MAML2: variants seen among roughly 807,000 people sequenced by gnomAD.
The protein encoded by MAML2 is mastermind-like protein 2.
A neutral mutation model predicts 96.1 loss-of-function variants in MAML2; 22 were observed. The ratio of observed to expected loss-of-function variants is 0.23; its 90% CI spans 0.16 to 0.33. The LOEUF is 0.33. Among genes scored for constraint, MAML2 ranks in the 10% least tolerant of loss-of-function variants. MAML2 has a pLI of 1.00. For synonymous variants in MAML2, 561 were observed against 521.3 expected, an observed-to-expected ratio of 1.08 and a Z score of -1.04; for missense variants, 1,367 against 1,392.4, an observed-to-expected ratio of 0.98 and a Z score of 0.29.
intron 1 of MAML2, among the ~76,000 whole-genome samples, chr11:96,263,014 C>T (rs894246464): frequency 1.3e-5 from 2 of 151,928 alleles, no homozygotes; most frequent in East Asian, 1.9e-4. Context: ...ACTGCTTCCC[C>T]GGGAGTTAAA....
intron 2 of MAML2, among the ~76,000 whole-genome samples, chr11:96,013,991 G>T (rs768095465): frequency 6.6e-6 from 1 of 152,144 alleles, no homozygotes; most frequent in Non-Finnish European, 1.5e-5. Context: ...AAGAGAGCAC[G>T]CTGTAACACA....
intron 1 of MAML2, among the ~76,000 whole-genome samples, chr11:96,118,089 TC>T (rs1860274676): frequency 2.0e-5 from 3 of 152,200 alleles, no homozygotes; most frequent in Admixed American, 2.0e-4. Flanking sequence ...ATTTCAGTGT[TC>T]AGGAAGCACA....
At chr11:96,034,331 AC>A (rs1858665140) in intron 2 of MAML2, among the ~76,000 whole-genome samples, 1 of 151,332 alleles carries the variant, frequency 6.6e-6, no homozygotes. Flanking sequence ...ACAGAATATG[AC>A]CCCCATCTCC....
chr11:96,249,658 T>C (rs1470629003), intron 1 of MAML2, among the ~76,000 whole-genome samples: 4 of 152,110 alleles, frequency 2.6e-5, no homozygotes, highest in Non-Finnish European at 5.9e-5. Flanking sequence ...GGCACTACTC[T>C]TGGCTCTGAC....
At chr11:96,299,044 CAAAA>C (rs71040142) in intron 1 of MAML2, among the ~76,000 whole-genome samples, 1 of 80,792 alleles carries the variant, frequency 1.2e-5, no homozygotes, top group Admixed American at 1.7e-4. Flanking sequence ...GAGTCCATCT[CAAAA>C]AAAAAAAAAA....
At chr11:96,054,858 T>C (rs1335730696) in intron 2 of MAML2, among the ~76,000 whole-genome samples, 1 of 152,122 alleles carries the variant, frequency 6.6e-6, no homozygotes, top group South Asian at 2.1e-4. Flanking sequence ...ATTTCTTTAT[T>C]CAGATTAGAA....
At chr11:96,222,264 G>C (rs1351889479) in intron 1 of MAML2, among the ~76,000 whole-genome samples, 2 of 152,206 alleles carry the variant, frequency 1.3e-5, no homozygotes, top group Non-Finnish European at 2.9e-5. Context: ...AGCGCACGCT[G>C]AATATGTTTA....
intron 1 of MAML2, among the ~76,000 whole-genome samples, chr11:96,329,380 TC>T (rs1415824230): frequency 6.6e-6 from 1 of 152,172 alleles, no homozygotes; most frequent in Non-Finnish European, 1.5e-5. Context: ...CTGGACCTTG[TC>T]CCCCACATAA....
intron 1 of MAML2, among the ~76,000 whole-genome samples, chr11:96,292,219 G>A (rs1161452457): frequency 1.3e-5 from 2 of 152,060 alleles, no homozygotes; most frequent in Non-Finnish European, 2.9e-5. Flanking sequence ...GATGGAAGTG[G>A]TCCAAAGTAA....
At chr11:96,070,422 G>T (rs1174323973) in intron 2 of MAML2, among the ~76,000 whole-genome samples, 1 of 152,248 alleles carries the variant, frequency 6.6e-6, no homozygotes, top group Non-Finnish European at 1.5e-5. Context: ...CCAGACCTGG[G>T]AGCTTCCCAA....
At chr11:96,217,343 C>T (rs1193482421) in intron 1 of MAML2, among the ~76,000 whole-genome samples, 1 of 152,204 alleles carries the variant, frequency 6.6e-6, no homozygotes, top group Admixed American at 6.5e-5. Context: ...TATAATAGGA[C>T]ATGGTGACTG....
chr11:96,033,056 A>T (rs1483667458), intron 2 of MAML2, among the ~76,000 whole-genome samples: 2 of 152,044 alleles, frequency 1.3e-5, no homozygotes, highest in African/African-American at 2.4e-5. Flanking sequence ...AAACAGGGAG[A>T]CTCTCCCTTG....
intron 1 of MAML2, among the ~76,000 whole-genome samples, chr11:96,137,451 C>G (rs1860653521): frequency 6.6e-6 from 1 of 152,222 alleles, no homozygotes; most frequent in Admixed American, 6.5e-5. Context: ...TTTGTCTCTT[C>G]AACAAAGACT....
chr11:95,997,539 T>G (rs1449145174), intron 2 of MAML2, among the ~76,000 whole-genome samples: 1 of 152,194 alleles, frequency 6.6e-6, no homozygotes, highest in Non-Finnish European at 1.5e-5. Flanking sequence ...AACAAGTATT[T>G]ATTAAGCATT....
At chr11:96,199,349 G>A (rs1159440863) in intron 1 of MAML2, among the ~76,000 whole-genome samples, 2 of 152,044 alleles carry the variant, frequency 1.3e-5, no homozygotes, top group South Asian at 2.1e-4. Context: ...CAGAAGAGAC[G>A]GAACGTGGAT....
At chr11:96,198,600 C>A (rs762621857) in intron 1 of MAML2, among the ~76,000 whole-genome samples, 5 of 152,094 alleles carry the variant, frequency 3.3e-5, no homozygotes, top group Non-Finnish European at 7.3e-5. Context: ...TAGTGTGGCT[C>A]CTGAAACTGA....
intron 2 of MAML2, among the ~76,000 whole-genome samples, chr11:96,047,978 T>C (rs943782913): frequency 2.0e-5 from 3 of 150,246 alleles, no homozygotes; most frequent in African/African-American, 4.9e-5. Flanking sequence ...AAACAAGTCT[T>C]GTTAAGTTAT....
At chr11:96,146,269 T>C (rs1010459363) in intron 1 of MAML2, among the ~76,000 whole-genome samples, 1 of 152,268 alleles carries the variant, frequency 6.6e-6, no homozygotes, top group African/African-American at 2.4e-5. Context: ...AGGAATTCCA[T>C]CTCTTGGGAT....
At chr11:96,332,040 C>G (rs570192251) in intron 1 of MAML2, among the ~76,000 whole-genome samples, 3 of 152,228 alleles carry the variant, frequency 2.0e-5, no homozygotes, top group Non-Finnish European at 4.4e-5. Context: ...GCTGTGGGTG[C>G]AGAATTTGGG....
Sources: allele counts gnomAD v4.1 joint callset (sites outside exome capture counted in the v4.1 genomes callset), GRCh38; gene constraint gnomAD v4.1.1; transcripts MANE v1.5; gene names NCBI Gene and HGNC (gene_info 2026-07-23, HGNC 2026-07-21).